The following GABPB2 variants were observed in gnomAD, a reference collection of about 807,000 sequenced individuals.
GABPB2 encodes GA-binding protein subunit beta-2.
A neutral mutation model predicts 39.1 loss-of-function variants in GABPB2; 23 were observed. The ratio of observed to expected loss-of-function variants is 0.59; its 90% CI spans 0.42 to 0.83. The LOEUF (loss-of-function observed/expected upper bound fraction) is 0.83. Ranked by LOEUF, GABPB2 falls within the 40% of genes least tolerant of loss-of-function variation. The pLI, the probability that GABPB2 is intolerant of heterozygous loss-of-function variation, is 0.00. For synonymous variants in GABPB2, 184 were observed against 199.3 expected (o/e 0.92, Z 0.65); for missense variants, 467 against 541.1 (o/e 0.86, Z 1.36).
In GABPB2 at chr1:151,076,036, G is replaced by A. The variant is rs202126718; in HGVS notation, c.-1+5102G>A. Among the ~76,000 whole-genome samples, 58 of 152,284 alleles carry A rather than the reference G, an allele frequency of 3.8e-4. No homozygotes were observed. The East Asian group carries it at 8.3e-3, about 22-fold the overall frequency. On this transcript the variant is annotated intron_variant, in intron 1 of 8. Transcript: ENST00000368918. ...GTCAGAAAGCATCAGTATGGTGAGA[G>A]CTATTCATAACTCCAACAAAAGGTG...
chr1:151,083,887 C>T (rs1359278642), intron 1 of GABPB2, among the ~76,000 whole-genome samples: 1 of 150,080 alleles, frequency 6.7e-6, no homozygotes, highest in African/African-American at 2.4e-5. Flanking sequence ...ATTACAGGCA[C>T]CCGCCACCAT....
chr1:151,095,653 T>C (rs1279282494), intron 4 of GABPB2, among the ~76,000 whole-genome samples: 1 of 152,188 alleles, frequency 6.6e-6, no homozygotes, highest in Non-Finnish European at 1.5e-5. Flanking sequence ...TCATGTAATA[T>C]TGTAATATTT....
intron 7 of GABPB2, among the ~76,000 whole-genome samples, chr1:151,113,709 G>T (rs370374545): frequency 6.6e-6 from 1 of 152,086 alleles, no homozygotes; most frequent in South Asian, 2.1e-4. Context: ...GTAGAGACAG[G>T]GTTTTGCCAT....
chr1:151,091,169 C>T (rs1678659422), intron 3 of GABPB2, among the ~76,000 whole-genome samples: 1 of 151,592 alleles, frequency 6.6e-6, no homozygotes, highest in African/African-American at 2.4e-5. Flanking sequence ...CTCACCACAA[C>T]CTCTGCCTCC....
At chr1:151,095,906 G>A (rs1679061891) in intron 4 of GABPB2, among the ~76,000 whole-genome samples, 1 of 151,924 alleles carries the variant, frequency 6.6e-6, no homozygotes, top group Admixed American at 6.6e-5. Flanking sequence ...GGTCGTGGGT[G>A]CCTGTAATCC....
intron 5 of GABPB2, among the ~76,000 whole-genome samples, chr1:151,102,506 G>A (rs1679617318): frequency 6.6e-6 from 1 of 151,960 alleles, no homozygotes; most frequent in South Asian, 2.1e-4. Context: ...GCAGTGGTGC[G>A]ATCTCGGCTT....
At chr1:151,076,083 G>A (rs10465791) in intron 1 of GABPB2, among the ~76,000 whole-genome samples, 2,348 of 152,204 alleles carry the variant, frequency 0.015, 66 homozygotes, top group African/African-American at 0.053. Context: ...ATTAAAAGGT[G>A]TTCAGTTTAA....
At chr1:151,110,708 A>G (rs1480170398) in intron 7 of GABPB2, among the ~76,000 whole-genome samples, 2 of 152,162 alleles carry the variant, frequency 1.3e-5, no homozygotes, top group East Asian at 1.9e-4. Flanking sequence ...CAGTCCTTCT[A>G]CCTTGGCTTC....
chr1:151,099,549 G>C lies in GABPB2; in HGVS notation c.622+1547G>C, dbSNP rs118068976. On this transcript the variant is annotated intron_variant, in intron 5 of 8. Coordinates refer to ENST00000368918, the MANE Select transcript of GABPB2 (RefSeq NM_144618.3). ...TTTTTTTTACAATGAAATAACTTGT[G>C]TCCTCATTTAAATAAATTTTCCAGT... 1.9e-3 allele frequency among the ~76,000 whole-genome samples: 291 copies of C among 152,218 alleles called. 9 individuals carry two copies. In the East Asian group the frequency reaches 0.05, roughly 26 times the overall value.
chr1:151,118,191 G>A lies in GABPB2; in HGVS notation c.1282G>A (p.Val428Met), dbSNP rs1681033597. ...EGELEERETK[V>M]TGSAGTTEPH... ...GGAGTTGGAAGAGAGAGAGACAAAAGTGACTGGGTCAGCAGGGACCACAGA... is the reference window on the plus strand; with the variant it reads ...GGAGTTGGAAGAGAGAGAGACAAAAATGACTGGGTCAGCAGGGACCACAGA... Residue 428 changes from valine to methionine, a missense_variant, in exon 9 of 9, where the codon GTG becomes ATG. Physicochemically the swap from Val to Met is conservative, Grantham distance 21. Transcript: ENST00000368918. 6.2e-7 allele frequency: 1 copy of A among 1,614,150 alleles called. No individual in the cohort carries two copies. Among genetic ancestry groups the A allele is most frequent in the Non-Finnish European group, 8.5e-7 (1 of 1,180,048 alleles).
intron 6 of GABPB2, among the ~76,000 whole-genome samples, chr1:151,106,633 C>T (rs1277100726): frequency 1.3e-5 from 2 of 152,216 alleles, no homozygotes; most frequent in Admixed American, 6.5e-5. Context: ...CCACTGTGCC[C>T]AGCCGAAACA....
rs1681209104 is a variant in GABPB2, at chr1:151,122,217, T to A, written c.*3961T>A. The A allele has an allele frequency of 7.9e-6, 1 of 126,606 alleles. No homozygotes were observed. Among genetic ancestry groups the A allele is most frequent in the Non-Finnish European group, 1.7e-5 (1 of 58,138 alleles). The allele number at this position is 126,606 out of a possible 1,614,324, so 7.8% of individuals were successfully genotyped here. A position where few individuals can be genotyped will look rare whatever the true frequency, so the allele number is the denominator to read the frequency against. On this transcript the variant is annotated 3_prime_UTR_variant, in exon 9 of 9. Transcript: ENST00000368918. ...GGCTACTGGCCACCTTAGCTAGGTT[T>A]TCTCCACAGATCTGTTTTCTCCACA... is the stretch of plus-strand genomic sequence containing the variant.
chr1:151,100,203 G>T, intron 5 of GABPB2, among the ~76,000 whole-genome samples: 1 of 148,646 alleles, frequency 6.7e-6, no homozygotes, highest in South Asian at 2.1e-4. Flanking sequence ...GGAGTGCAGT[G>T]GCCCAATCTC....
In GABPB2 at chr1:151,097,923, T is replaced by C. The variant is rs748101564; in HGVS notation, c.543T>C (p.Ala181=). 1.1e-5 allele frequency: 17 copies of C among 1,614,018 alleles called. No homozygotes were observed. The highest frequency in any genetic ancestry group is 2.7e-5 in the African/African-American group (2 of 74,930). ...CTGTGACTGACCCTGTGAGTATGGCTGCTCCATTCATCTTCACGTCGGGTG... is the reference window on the plus strand; with the variant it reads ...CTGTGACTGACCCTGTGAGTATGGCCGCTCCATTCATCTTCACGTCGGGTG... ...ANPVTDPVSM[A]APFIFTSGEV... is the part of the protein sequence containing the mutation. The change falls in exon 5 of 9, where the codon GCT becomes GCC. Residue 181 remains alanine, a synonymous_variant. Transcript: ENST00000368918.
intron 5 of GABPB2, among the ~76,000 whole-genome samples, chr1:151,100,411 G>A (rs1415813417): frequency 7.9e-5 from 12 of 151,418 alleles, no homozygotes. Flanking sequence ...CTAAAATGCT[G>A]GGATTACAGG....
chr1:151,121,282 T>G lies in GABPB2; in HGVS notation c.*3026T>G, dbSNP rs1681173766. On this transcript the variant is annotated 3_prime_UTR_variant, in exon 9 of 9. Transcript: ENST00000368918. ...TTACAGAGCTTTGTGCCTTATAGGG[T>G]GCTCAGTGTGTGTTGACAAAGGGAA... 1 of 152,154 alleles carries G rather than the reference T, an allele frequency of 6.6e-6. No individual in the cohort carries two copies. Among genetic ancestry groups the G allele is most frequent in the South Asian group, 2.1e-4 (1 of 4,830 alleles). The allele number at this position is 152,154 out of a possible 1,614,324, so 9.4% of individuals were successfully genotyped here.
intron 7 of GABPB2, 103 bp from the exon 8 acceptor site, chr1:151,117,289 C>A (rs587658501): frequency 1.6e-6 from 2 of 1,268,124 alleles, no homozygotes; most frequent in African/African-American, 3.0e-5. Context: ...CCACTGTACC[C>A]AACCTAGAAT....
chr1:151,080,829 C>T (rs1406005712), intron 1 of GABPB2, among the ~76,000 whole-genome samples: 1 of 148,840 alleles, frequency 6.7e-6, no homozygotes, highest in Non-Finnish European at 1.5e-5. Context: ...GCACTCCAGC[C>T]TGGGTAATAG....
At chr1:151,117,803 C>T (rs41266642) in intron 8 of GABPB2, among the ~76,000 whole-genome samples, 154 bp from the exon 9 acceptor site, 4 of 152,256 alleles carry the variant, frequency 2.6e-5, no homozygotes, top group Non-Finnish European at 4.4e-5. Flanking sequence ...AAGTTGGTCT[C>T]GAACTCTTGA....
Sources: gnomAD v4.1 joint callset for allele counts (sites outside exome capture counted in the v4.1 genomes callset) on GRCh38, gnomAD v4.1.1 for gene constraint, MANE v1.5 for transcripts, NCBI Gene and HGNC (gene_info 2026-07-23, HGNC 2026-07-21) for gene names.